TNXB: variants seen among roughly 807,000 people sequenced by gnomAD.
TNXB encodes tenascin XB, also known as tenascin-X.
TNXB carries 183 observed loss-of-function variants against 340.5 expected under a neutral mutation model. The observed-to-expected ratio is 0.54, with a 90% CI of 0.48 to 0.61. The LOEUF is 0.61. Ranked by LOEUF, TNXB falls within the 20% of genes least tolerant of loss-of-function variation. The probability of loss-of-function intolerance (pLI) is 0.00; values close to 1 mark genes in which losing one functional copy is unlikely to be tolerated. For synonymous variants in TNXB, 2,121 were observed against 2,314.5 expected (o/e 0.92, Z 2.40); for missense variants, 4,613 against 5,446.4 (o/e 0.85, Z 4.82).
chr6:32,081,231 G>T lies in TNXB; in HGVS notation c.4042+137C>A. 1.3e-6 allele frequency: 1 copy of T among 786,070 alleles called. No homozygotes were observed. The highest frequency in any genetic ancestry group is 2.0e-6 in the Non-Finnish European group (1 of 497,346). The allele number at this position is 786,070 out of a possible 1,614,324, so 48.7% of individuals were successfully genotyped here. ...GGCATGCAGAGGACAGGAGAGCAGT[G>T]CGGGAGGAAGTGGGTGGAGGCTTTG... On this transcript the variant is annotated intron_variant, in intron 10 of 43. Coordinates refer to ENST00000644971, the MANE Select transcript of TNXB (RefSeq NM_001365276.2). The surrounding 1 kb of genome is among the most constrained non-coding windows in gnomAD (Gnocchi z 5.1).
In TNXB at chr6:32,055,947, C is replaced by T. The variant is rs369350764; in HGVS notation, c.8371G>A (p.Val2791Met). The change falls in exon 24 of 44, where the codon GTG becomes ATG. Residue 2791 changes from valine (V) to methionine (M), a missense_variant. This residue lies in a region of TNXB where 4,327 missense variants were observed against 4,859.4 expected (regional missense o/e 0.89). Transcript: ENST00000644971. ...RVRGEESEVT[V>M]GGLEPGRKYK... is the part of the protein sequence containing the mutation. ...TTGCGCCCGGGCTCCAGGCCCCCCACGGTGACCTCGCTCTCCTCGCCCCTG... is the reference window on the plus strand; with the variant it reads ...TTGCGCCCGGGCTCCAGGCCCCCCATGGTGACCTCGCTCTCCTCGCCCCTG... The T allele has an allele frequency of 1.9e-4, 310 of 1,613,388 alleles. No homozygotes were observed. Among genetic ancestry groups the T allele is most frequent in the Non-Finnish European group, 2.5e-4 (292 of 1,179,882 alleles).
chr6:32,084,688 C>A lies in TNXB; in HGVS notation c.3170G>T (p.Gly1057Val). ...GIMDKDEEKP[G>V]KSSGPPRLGE... ...CAGGCGTGGTGGGCCTGAGGACTTCCCAGGCTTCTCCTCATCCTTGTCTGG... is the reference window on the plus strand; with the variant it reads ...CAGGCGTGGTGGGCCTGAGGACTTCACAGGCTTCTCCTCATCCTTGTCTGG... Residue 1057 changes from glycine to valine, a missense_variant, in exon 8 of 44, where the codon GGG (glycine) becomes GTG (valine). Gly to Val is a moderately radical substitution (Grantham distance 109). This residue lies in a region of TNXB where 4,327 missense variants were observed against 4,859.4 expected (regional missense o/e 0.89). Coordinates refer to ENST00000644971, the MANE Select transcript of TNXB (RefSeq NM_001365276.2). The surrounding 1 kb of genome is among the most constrained non-coding windows in gnomAD (Gnocchi z 5.5). 2 of 1,576,802 alleles carry A rather than the reference C, an allele frequency of 1.3e-6. No homozygotes were observed. The highest frequency in any genetic ancestry group is 1.7e-6 in the Non-Finnish European group (2 of 1,157,442).
rs1562863133 is a variant in TNXB, at chr6:32,087,711, G to C, written c.2779+1074C>G. 1 of 476,740 alleles carries C rather than the reference G, an allele frequency of 2.1e-6. No individual in the cohort carries two copies. 29.5% of individuals were successfully genotyped at this position (476,740 alleles called of 1,614,324 possible). Reference sequence around the variant, plus strand: ...CATGGATGTGGCGCGCCACCGACGTGTAAGTCTGGTTGGCCCGCAGTGGGT... The same window carrying C: ...CATGGATGTGGCGCGCCACCGACGTCTAAGTCTGGTTGGCCCGCAGTGGGT... On this transcript the variant is annotated intron_variant, in intron 6 of 43. Coordinates refer to ENST00000644971, the MANE Select transcript of TNXB (RefSeq NM_001365276.2). This position sits in a 1 kb window ranked among gnomAD's most constrained non-coding sequence, Gnocchi z 9.0.
At position 32,073,544 on chromosome 6, in the gene TNXB, T is replaced by C; in HGVS notation, c.4681+103A>G. 9.4e-7 allele frequency: 1 copy of C among 1,062,108 alleles called. No individual in the cohort carries two copies. Among genetic ancestry groups the C allele is most frequent in the Non-Finnish European group, 1.4e-6 (1 of 737,508 alleles). The allele number at this position is 1,062,108 out of a possible 1,614,324, so 65.8% of individuals were successfully genotyped here. ...CCAGGGCCTGAGGGGATCTAGCCCC[T>C]CAGTGAGGGTGCGGTGGTACCAAGG... On this transcript the variant is annotated intron_variant, in intron 12 of 43. Transcript: ENST00000644971. This position sits in a 1 kb window ranked among gnomAD's most constrained non-coding sequence, Gnocchi z 4.6.
At position 32,069,733 on chromosome 6, in the gene TNXB, A is replaced by G; in HGVS notation, c.5407T>C (p.Phe1803Leu). 3.7e-6 allele frequency: 6 copies of G among 1,612,112 alleles called. No homozygotes were observed. In the African/African-American group the frequency reaches 6.7e-5, roughly 18 times the overall value. ...TTGTACTGGACCACAAAGGAGTCAAACTGGCCCTCAGGGACTGTCCAGGAG... is the reference window on the plus strand; with the variant it reads ...TTGTACTGGACCACAAAGGAGTCAAGCTGGCCCTCAGGGACTGTCCAGGAG... ...GLSWTVPEGQ[F>L]DSFVVQYKDR... is the part of the protein sequence containing the mutation. Residue 1803 changes from phenylalanine (F) to leucine (L), a missense_variant, in exon 15 of 44, where the codon TTT becomes CTT. Physicochemically the swap from Phe to Leu is conservative, Grantham distance 22. Transcript: ENST00000644971. This position sits in a 1 kb window ranked among gnomAD's most constrained non-coding sequence, Gnocchi z 6.2.
rs1268252054 is a variant in TNXB, at chr6:32,082,146, T to G, written c.3626A>C (p.Glu1209Ala). Residue 1209 changes from glutamate (E) to alanine (A), a missense_variant, in exon 9 of 44, where the codon GAG becomes GCG. Coordinates refer to ENST00000644971, the MANE Select transcript of TNXB (RefSeq NM_001365276.2). The surrounding 1 kb of genome is among the most constrained non-coding windows in gnomAD (Gnocchi z 5.0). ...RPQVVPVEGP[E>A]RSFVVSSLDP... Reference sequence around the variant, plus strand: ...CAGTGAGGAGACAACAAATGAACGCTCGGGCCCTTCCACAGGTACCACCTG... The same window carrying G: ...CAGTGAGGAGACAACAAATGAACGCGCGGGCCCTTCCACAGGTACCACCTG... The G allele has an allele frequency of 6.2e-7, 1 of 1,612,034 alleles. No individual in the cohort carries two copies. The highest frequency in any genetic ancestry group is 1.3e-5 in the African/African-American group (1 of 74,896).
Position 32,042,577 on chromosome 6 carries a change from A to T in TNXB, c.12088T>A (p.Cys4030Ser). ...GGLRIPFPRD[C>S]GEEMQNGAGA... ...GCTCCGTTCTGCATCTCCTCCCCGCAGTCCCTGGGGAAGGGGATCCGCAGC... is the reference window on the plus strand; with the variant it reads ...GCTCCGTTCTGCATCTCCTCCCCGCTGTCCCTGGGGAAGGGGATCCGCAGC... Residue 4030 changes from cysteine to serine, a missense_variant, in exon 40 of 44, where the codon TGC becomes AGC. This residue lies in a region of TNXB where 121 missense variants were observed against 177.4 expected (regional missense o/e 0.68). Coordinates refer to ENST00000644971, the MANE Select transcript of TNXB (RefSeq NM_001365276.2). 4 of 1,593,702 alleles carry T rather than the reference A, an allele frequency of 2.5e-6. No homozygotes were observed. Among genetic ancestry groups the T allele is most frequent in the Non-Finnish European group, 3.4e-6 (4 of 1,169,688 alleles).
chr6:32,091,673 T>C (rs1230716551), intron 4 of TNXB, among the ~76,000 whole-genome samples: 2 of 146,740 alleles, frequency 1.4e-5, no homozygotes, highest in East Asian at 2.1e-4. Context: ...GGGGTTTCAC[T>C]ATGTTGGTCA....
rs992498462 is a variant in TNXB at position 32,072,077 on chromosome 6, G to T, written c.4903C>A (p.Leu1635Met). The change falls in exon 13 of 44, where the codon CTG (leucine) becomes ATG (methionine). Residue 1635 changes from leucine to methionine, a missense_variant. By Grantham distance (15) the Leu-to-Met change is conservative. This residue lies in a region of TNXB where 4,327 missense variants were observed against 4,859.4 expected (regional missense o/e 0.89). Coordinates refer to ENST00000644971, the MANE Select transcript of TNXB (RefSeq NM_001365276.2). The surrounding 1 kb of genome is among the most constrained non-coding windows in gnomAD (Gnocchi z 4.4). The part of the protein sequence containing the change: ...ADQREVTIPD[L>M]EPSRKYKFLL... ...AACTTGTACTTGCGGGAGGGTTCCA[G>T]GTCAGGGATAGTGACCTCCCGCTGA... 1 of 1,612,960 alleles carries T rather than the reference G, an allele frequency of 6.2e-7. No homozygotes were observed. The highest frequency in any genetic ancestry group is 1.3e-5 in the African/African-American group (1 of 74,918).
chr6:32,099,529 C>G (rs1231134542), intron 1 of TNXB, among the ~76,000 whole-genome samples: 2 of 152,022 alleles, frequency 1.3e-5, no homozygotes, highest in Non-Finnish European at 2.9e-5. Context: ...ACCGCACGAC[C>G]TCTTTCTAAT....
Position 32,048,645 on chromosome 6 carries a change from G to C in TNXB, c.9763C>G (p.Leu3255Val), listed in dbSNP as rs761815974. ...PVSTVGITAP[L>V]PTPLPVEPRL... Reference sequence around the variant, plus strand: ...GGCTCCACCGGCAGTGGTGTGGGCAGGGGCGCTGAAAAGAGCAGAGCAGGC... The same window carrying C: ...GGCTCCACCGGCAGTGGTGTGGGCACGGGCGCTGAAAAGAGCAGAGCAGGC... Residue 3255 changes from leucine to valine, a missense_variant, in exon 29 of 44, where the codon CTG becomes GTG. Coordinates refer to ENST00000644971, the MANE Select transcript of TNXB (RefSeq NM_001365276.2). The C allele has an allele frequency of 6.8e-7, 1 of 1,480,582 alleles. No homozygotes were observed. Among genetic ancestry groups the C allele is most frequent in the Admixed American group, 2.1e-5 (1 of 47,206 alleles). The allele number at this position is 1,480,582 out of a possible 1,614,324, so 91.7% of individuals were successfully genotyped here. A position where few individuals can be genotyped will look rare whatever the true frequency, so the allele number is the denominator to read the frequency against.
At chr6:32,071,014 C>A (rs1044560024) in intron 13 of TNXB, among the ~76,000 whole-genome samples, 4 of 152,178 alleles carry the variant, frequency 2.6e-5, no homozygotes, top group African/African-American at 9.7e-5. Context: ...TGCCGGGGAG[C>A]TCAGGCAGGG....
chr6:32,067,923 C>T lies in TNXB; in HGVS notation c.6282G>A (p.Glu2094=), dbSNP rs745854495. The T allele has an allele frequency of 6.2e-6, 10 of 1,612,650 alleles. No homozygotes were observed. The highest frequency in any genetic ancestry group is 7.6e-6 in the Non-Finnish European group (9 of 1,179,886). ...CTGTTAGCTCCCCCAGGAGCGGCTC[C>T]TCAGCGGGCTCCGGGGCCTCCATGC... The part of the protein sequence containing the change: ...EPSMEAPEPA[E]EPLLGELTVT... Residue 2094 remains glutamate (E), a synonymous_variant, in exon 18 of 44, where the codon GAG becomes GAA. Coordinates refer to ENST00000644971, the MANE Select transcript of TNXB (RefSeq NM_001365276.2). This position sits in a 1 kb window ranked among gnomAD's most constrained non-coding sequence, Gnocchi z 4.2.
chr6:32,103,130 T>C (rs1780805824), intron 1 of TNXB, among the ~76,000 whole-genome samples: 1 of 151,526 alleles, frequency 6.6e-6, no homozygotes, highest in Admixed American at 6.6e-5. Flanking sequence ...TGTATAAAAA[T>C]TGAACCATGG....
chr6:32,078,318 C>T (rs915709399), intron 11 of TNXB, among the ~76,000 whole-genome samples: 4 of 151,422 alleles, frequency 2.6e-5, no homozygotes, highest in African/African-American at 7.3e-5. Flanking sequence ...TGTGGTGGCA[C>T]GCATCTGTAG....
chr6:32,048,691 C>A, intron 28 of TNXB, 41 bp from the exon 29 acceptor site: 1 of 1,393,326 alleles, frequency 7.2e-7, no homozygotes, highest in South Asian at 2.1e-5. Context: ...GGAGGCAGGA[C>A]CCTGCGCAAG....
Position 32,043,825 on chromosome 6 carries a change from G to A in TNXB, c.11454C>T (p.Gly3818=), listed in dbSNP as rs371882323. 5.1e-5 allele frequency: 83 copies of A among 1,613,484 alleles called. 1 individual carries two copies. The highest frequency in any genetic ancestry group is 6.5e-5 in the Non-Finnish European group (77 of 1,179,996). The change falls in exon 35 of 44, where the codon GGC becomes GGT. Residue 3818 remains glycine (G), a synonymous_variant. Transcript: ENST00000644971. ...RTQKLQGLIP[G]ARYEVTVVSV... ...AGACCACGGTCACCTCATAGCGAGC[G>A]CCTGGGATCAGCCCCTGGAGTTTCT... is the stretch of plus-strand genomic sequence containing the variant.
In TNXB at chr6:32,053,637, C is replaced by G. The variant is rs61745355; in HGVS notation, c.8542G>C (p.Gly2848Arg). ...GTGGCATCTGTCACGGTCAGCTCCC[C>G]GAGGCGAGGCTTGTTGGGGGGCTCA... Reference protein sequence around the residue: ...TPEPPNKPRLGELTVTDATPD... With the variant: ...TPEPPNKPRLRELTVTDATPD... The change falls in exon 25 of 44, where the codon GGG (glycine) becomes CGG (arginine). Residue 2848 changes from glycine (G) to arginine (R), a missense_variant. Gly to Arg is a moderately radical substitution (Grantham distance 125, BLOSUM62 -2). Around this residue, in one of 7 missense-constraint regions of TNXB, gnomAD observed 4,327 missense variants for 4,859.4 expected, o/e 0.89. Transcript: ENST00000644971. The G allele has an allele frequency of 2.0e-4, 328 of 1,613,382 alleles. No individual in the cohort carries two copies. The highest frequency in any genetic ancestry group is 2.7e-4 in the Non-Finnish European group (316 of 1,179,818).
chr6:32,073,934 G>A lies in TNXB; in HGVS notation c.4394C>T (p.Thr1465Ile), dbSNP rs1467218146. Residue 1465 changes from threonine (T) to isoleucine (I), a missense_variant, in exon 12 of 44, where the codon ACC becomes ATC. By Grantham distance (89) the Thr-to-Ile change is moderately conservative. This residue lies in a region of TNXB where 4,327 missense variants were observed against 4,859.4 expected (regional missense o/e 0.89). Transcript: ENST00000644971. This position sits in a 1 kb window ranked among gnomAD's most constrained non-coding sequence, Gnocchi z 4.6. ...CAGCGGGGACTCAGTGGCTGGAGGG[G>A]TCTCTTCTTGTTGTGGGGCTGGGAC... Reference protein sequence around the residue: ...VGVTAPQQEETPPATESPLEP... With the variant: ...VGVTAPQQEEIPPATESPLEP... The A allele has an allele frequency of 6.3e-7, 1 of 1,598,708 alleles. No individual in the cohort carries two copies. Among genetic ancestry groups the A allele is most frequent in the Non-Finnish European group, 8.5e-7 (1 of 1,171,582 alleles).
Sources: gnomAD v4.1 joint callset for allele counts (sites outside exome capture counted in the v4.1 genomes callset) on GRCh38, gnomAD v4.1.1 for gene constraint, gnomAD v4.1.1 regional missense constraint, Gnocchi (gnomAD v3.1) non-coding constraint, MANE v1.5 for transcripts, NCBI Gene and HGNC (gene_info 2026-07-23, HGNC 2026-07-21) for gene names.